Variants in SH3GLB1 observed in about 807,000 individuals in gnomAD.
SH3GLB1 encodes SH3 domain containing GRB2 like, endophilin B1.
A neutral mutation model predicts 42.0 loss-of-function variants in SH3GLB1; 17 were observed. The observed-to-expected ratio is 0.40, with a 90% CI of 0.28 to 0.61. The LOEUF (loss-of-function observed/expected upper bound fraction) is 0.61. Ranked by LOEUF, SH3GLB1 falls within the 20% of genes least tolerant of loss-of-function variation. The pLI, the probability that SH3GLB1 is intolerant of heterozygous loss-of-function variation, is 0.36. For missense variants in SH3GLB1, 355 were observed against 426.3 expected (o/e 0.83, Z 1.47); for synonymous variants, 132 against 146.6 (o/e 0.90, Z 0.72).
chr1:86,726,674 A>G (rs1204477249), intron 5 of SH3GLB1, among the ~76,000 whole-genome samples: 1 of 151,872 alleles, frequency 6.6e-6, no homozygotes, highest in Non-Finnish European at 1.5e-5. Flanking sequence ...TTTTAATTGT[A>G]TTTTTCCCCT....
chr1:86,708,866 C>T (rs1057342032), intron 1 of SH3GLB1, among the ~76,000 whole-genome samples: 2 of 151,954 alleles, frequency 1.3e-5, no homozygotes, highest in Admixed American at 1.3e-4. Flanking sequence ...TTTTAATTTC[C>T]AAAATATCTT....
intron 1 of SH3GLB1, among the ~76,000 whole-genome samples, chr1:86,706,721 A>G (rs1348342903): frequency 6.6e-6 from 1 of 152,220 alleles, no homozygotes; most frequent in Non-Finnish European, 1.5e-5. Flanking sequence ...TTGACACTGT[A>G]TAATGCTACT....
chr1:86,706,422 A>G (rs1337905722), intron 1 of SH3GLB1, among the ~76,000 whole-genome samples: 1 of 152,214 alleles, frequency 6.6e-6, no homozygotes, highest in Non-Finnish European at 1.5e-5. Context: ...CTGCATGGTG[A>G]GTAATAAGCT....
intron 1 of SH3GLB1, among the ~76,000 whole-genome samples, chr1:86,708,499 A>G: frequency 6.6e-6 from 1 of 152,246 alleles, no homozygotes. Context: ...AAAAAAGGTC[A>G]GCTCAAACTA....
chr1:86,722,890 C>T (rs1226995331), intron 4 of SH3GLB1, among the ~76,000 whole-genome samples: 5 of 152,140 alleles, frequency 3.3e-5, no homozygotes, highest in Admixed American at 2.6e-4. Context: ...ATTGAGATGC[C>T]TTTATCCCTT....
chr1:86,731,154 A>G (rs147798031), intron 5 of SH3GLB1, among the ~76,000 whole-genome samples: 4 of 152,328 alleles, frequency 2.6e-5, no homozygotes, highest in Non-Finnish European at 4.4e-5. Flanking sequence ...GGATAAAATT[A>G]TAAACTATAG....
At chr1:86,724,052 T>G (rs539905408) in intron 4 of SH3GLB1, among the ~76,000 whole-genome samples, 1 of 152,056 alleles carries the variant, frequency 6.6e-6, no homozygotes, top group South Asian at 2.1e-4. Flanking sequence ...ATATTAAAAC[T>G]GATATTCCTT....
intron 4 of SH3GLB1, among the ~76,000 whole-genome samples, chr1:86,723,450 G>T (rs775189879): frequency 1.3e-5 from 2 of 152,110 alleles, no homozygotes; most frequent in African/African-American, 4.8e-5. Context: ...GGAGGCGGAG[G>T]TTGCAGTGAG....
chr1:86,713,437 G>A (rs1654328611), intron 1 of SH3GLB1, among the ~76,000 whole-genome samples: 3 of 152,040 alleles, frequency 2.0e-5, no homozygotes, highest in Non-Finnish European at 2.9e-5. Context: ...TCTATTCTTG[G>A]TTATTAACTA....
chr1:86,704,884 C>T lies in SH3GLB1; in HGVS notation c.-16C>T. 6.4e-7 allele frequency: 1 copy of T among 1,557,190 alleles called. No homozygotes were observed. The highest frequency in any genetic ancestry group is 8.7e-7 in the Non-Finnish European group (1 of 1,153,874). ...CCGCCGCTAGGTCGGCCGGCTCCGC[C>T]CGGCTGCCGCCTAGGATGAATATCA... is the stretch of plus-strand genomic sequence containing the variant. On this transcript the variant is annotated 5_prime_UTR_variant, in exon 1 of 9. Transcript: ENST00000370558.
rs1464806215 is a variant in SH3GLB1 at position 86,724,769 on chromosome 1, G to T, written c.570+364G>T. ...CCCACCTGTAGTCCCAGCTACTCAG[G>T]AGGCTGAGATGGGAGAATCTCTTGA... On this transcript the variant is annotated intron_variant, in intron 5 of 8. Transcript: ENST00000370558. Among the ~76,000 whole-genome samples the T allele has an allele frequency of 3.3e-5, 5 of 151,304 alleles. No homozygotes were observed. In the East Asian group the frequency reaches 9.7e-4, roughly 29 times the overall value.
chr1:86,722,754 G>A (rs1297555541), intron 4 of SH3GLB1, 81 bp downstream of exon 4: 2 of 1,176,870 alleles, frequency 1.7e-6, no homozygotes, highest in Non-Finnish European at 1.2e-6. Context: ...GCCTCTTAAT[G>A]ACTGTGTAGA....
rs60058003 is a variant in SH3GLB1 at position 86,706,994 on chromosome 1, A to G, written c.72+2023A>G. Among the ~76,000 whole-genome samples the G allele has an allele frequency of 2.0e-5, 3 of 152,330 alleles. No homozygotes were observed. The East Asian group carries it at 5.8e-4, about 29-fold the overall frequency. ...TTTTAAATATTTAAGTGTCTACTGC[A>G]TGTCTGATGTCTGCTTGTGGCTACT... On this transcript the variant is annotated intron_variant, in intron 1 of 8. Coordinates refer to ENST00000370558, the MANE Select transcript of SH3GLB1 (RefSeq NM_016009.5).
At chr1:86,720,655 T>G (rs2101939734) in intron 3 of SH3GLB1, among the ~76,000 whole-genome samples, 1 of 152,368 alleles carries the variant, frequency 6.6e-6, no homozygotes, top group South Asian at 2.1e-4. Flanking sequence ...TGCAAGATAC[T>G]GGTCTTTGGA....
At chr1:86,719,739 T>A (rs887930819) in intron 3 of SH3GLB1, 104 bp downstream of exon 3, 3 of 1,169,566 alleles carry the variant, frequency 2.6e-6, no homozygotes, top group Admixed American at 4.6e-5. Flanking sequence ...CTCACACCTG[T>A]AATCCCAGCA....
At chr1:86,738,549 CTG>C (rs1485250237) in intron 7 of SH3GLB1, 1 of 150,164 alleles carries the variant, frequency 6.7e-6, no homozygotes, top group African/African-American at 2.5e-5. Flanking sequence ...ACAGGCGTGA[CTG>C]TGGGTGTATT....
chr1:86,715,922 A>C, intron 2 of SH3GLB1, 57 bp downstream of exon 2: 1 of 1,198,258 alleles, frequency 8.3e-7, no homozygotes, highest in Non-Finnish European at 1.1e-6. Context: ...TTTAAATGTT[A>C]AAAAAAAAAG....
At chr1:86,729,754 T>C (rs1017480551) in intron 5 of SH3GLB1, among the ~76,000 whole-genome samples, 1 of 152,110 alleles carries the variant, frequency 6.6e-6, no homozygotes, top group Admixed American at 6.5e-5. Context: ...TTAGAATTTA[T>C]ACCTAAATGA....
At position 86,704,668 on chromosome 1, in the gene SH3GLB1, T is replaced by G; in HGVS notation, c.-232T>G. On this transcript the variant is annotated 5_prime_UTR_variant, in exon 1 of 9. Coordinates refer to ENST00000370558, the MANE Select transcript of SH3GLB1 (RefSeq NM_016009.5). ...CCATCGTCGACGTTAGCGGCCGTTC[T>G]CCGAGCCGACTGACCCATCCTTGGC... 2.6e-6 allele frequency: 1 copy of G among 384,786 alleles called. No individual in the cohort carries two copies. Among genetic ancestry groups the G allele is most frequent in the Admixed American group, 5.0e-5 (1 of 20,040 alleles). 23.8% of individuals were successfully genotyped at this position (384,786 alleles called of 1,614,324 possible).
Sources: gnomAD v4.1 joint callset for allele counts (sites outside exome capture counted in the v4.1 genomes callset) on GRCh38, gnomAD v4.1.1 for gene constraint, MANE v1.5 for transcripts, NCBI Gene and HGNC (gene_info 2026-07-23, HGNC 2026-07-21) for gene names.